SYT1: variants seen among roughly 807,000 people sequenced by gnomAD.
SYT1 encodes the protein synaptotagmin-1.
Under a neutral mutation model 44.8 loss-of-function variants are expected in SYT1, and 8 were observed. The observed-to-expected ratio is 0.18, with a 90% CI of 0.10 to 0.32. SYT1 has a LOEUF of 0.32. Among genes scored for constraint, SYT1 ranks in the 10% least tolerant of loss-of-function variants. The pLI, the probability that SYT1 is intolerant of heterozygous loss-of-function variation, is 1.00. For synonymous variants in SYT1, 154 were observed against 188.8 expected (o/e 0.82, Z 1.51); for missense variants, 286 against 509.3 (o/e 0.56, Z 4.22).
chr12:78,932,914 C>T (rs1454218541), intron 1 of SYT1, among the ~76,000 whole-genome samples: 1 of 152,104 alleles, frequency 6.6e-6, no homozygotes, highest in Non-Finnish European at 1.5e-5. Flanking sequence ...GTCTCAAACA[C>T]AAAATCTCAG....
intron 4 of SYT1, among the ~76,000 whole-genome samples, chr12:79,236,570 C>G (rs1281196616): frequency 6.6e-6 from 1 of 152,166 alleles, no homozygotes; most frequent in African/African-American, 2.4e-5. Context: ...ATTTAATATA[C>G]TTTTCATCTT....
intron 1 of SYT1, among the ~76,000 whole-genome samples, chr12:78,959,800 T>C (rs1401668817): frequency 6.6e-6 from 1 of 152,284 alleles, no homozygotes; most frequent in East Asian, 1.9e-4. Context: ...AAAAGTGAGA[T>C]AACAGGGGAA....
chr12:79,341,967 G>A (rs74107428), intron 8 of SYT1, among the ~76,000 whole-genome samples: 2 of 152,184 alleles, frequency 1.3e-5, no homozygotes, highest in African/African-American at 4.8e-5. Flanking sequence ...CTAAGTAAAC[G>A]GGAGGGTGGC....
intron 1 of SYT1, among the ~76,000 whole-genome samples, chr12:78,900,206 A>T (rs192445005): frequency 1.3e-5 from 2 of 152,084 alleles, no homozygotes; most frequent in Non-Finnish European, 2.9e-5. Context: ...ATGTTTATTT[A>T]CTTATTATTT....
intron 3 of SYT1, among the ~76,000 whole-genome samples, chr12:79,064,042 C>A (rs746127013): frequency 2.0e-5 from 3 of 151,940 alleles, no homozygotes; most frequent in African/African-American, 7.3e-5. Flanking sequence ...CCTACCATTC[C>A]GGAGAACAGT....
At chr12:79,422,020 C>G (rs912143888) in intron 9 of SYT1, among the ~76,000 whole-genome samples, 8 of 152,074 alleles carry the variant, frequency 5.3e-5, no homozygotes, top group African/African-American at 1.7e-4. Flanking sequence ...CTGTCACCTT[C>G]TAATTCCTTT....
At chr12:79,200,323 C>T (rs1015378075) in intron 3 of SYT1, among the ~76,000 whole-genome samples, 3 of 152,024 alleles carry the variant, frequency 2.0e-5, no homozygotes, top group African/African-American at 4.8e-5. Context: ...TAACAAATTG[C>T]CAAAGGATTT....
Position 79,123,590 on chromosome 12 carries a change from A to G in SYT1, c.-18+76228A>G, listed in dbSNP as rs368424857. Among the ~76,000 whole-genome samples the G allele has an allele frequency of 2.6e-5, 4 of 152,156 alleles. No homozygotes were observed. The East Asian group carries it at 7.7e-4, about 29-fold the overall frequency. Reference sequence around the variant, plus strand: ...GCAGTTTGTTAACTTACAATTCAGAAACACATTTACTGCATAAATCCAATA... The same window carrying G: ...GCAGTTTGTTAACTTACAATTCAGAGACACATTTACTGCATAAATCCAATA... On this transcript the variant is annotated intron_variant, in intron 3 of 10. Transcript: ENST00000261205.
At chr12:79,132,674 CAAAAAAAAAAAAAA>C (rs71091641) in intron 3 of SYT1, among the ~76,000 whole-genome samples, 1 of 43,716 alleles carries the variant, frequency 2.3e-5, no homozygotes, top group Non-Finnish European at 4.3e-5. Context: ...GGAGTTTTCT[CAAAAAAAAAAAAAA>C]AAAAAAAAAA....
At chr12:79,004,974 A>G (rs1392834343) in intron 2 of SYT1, among the ~76,000 whole-genome samples, 1 of 152,046 alleles carries the variant, frequency 6.6e-6, no homozygotes, top group Admixed American at 6.6e-5. Context: ...CTTTAGTTGT[A>G]TGAAACCCCA....
At chr12:79,226,768 ATAG>A (rs1204746422) in intron 4 of SYT1, among the ~76,000 whole-genome samples, 1 of 152,182 alleles carries the variant, frequency 6.6e-6, no homozygotes, top group Non-Finnish European at 1.5e-5. Flanking sequence ...AAAGTGTGTA[ATAG>A]TATGTATTTT....
Position 79,449,287 on chromosome 12 carries a change from A to G in SYT1, c.*163A>G. ...TTAATTTGCACAAATTTAAATGTAG[A>G]GAGCCCCTAAGTCCTTCATCATACC... On this transcript the variant is annotated 3_prime_UTR_variant, in exon 11 of 11. Transcript: ENST00000261205. The G allele has an allele frequency of 1.4e-6, 1 of 722,596 alleles. No individual in the cohort carries two copies. The highest frequency in any genetic ancestry group is 2.2e-6 in the Non-Finnish European group (1 of 446,314). The allele number at this position is 722,596 out of a possible 1,614,324, so 44.8% of individuals were successfully genotyped here.
At chr12:79,165,747 A>G (rs1289524966) in intron 3 of SYT1, among the ~76,000 whole-genome samples, 1 of 151,984 alleles carries the variant, frequency 6.6e-6, no homozygotes, top group Non-Finnish European at 1.5e-5. Context: ...ACCCTATTGC[A>G]TGAACTGAGT....
intron 3 of SYT1, among the ~76,000 whole-genome samples, chr12:79,136,438 C>T (rs1297578812): frequency 1.3e-5 from 2 of 152,290 alleles, no homozygotes; most frequent in South Asian, 2.1e-4. Flanking sequence ...CCATATTTTG[C>T]CAACCTTGAC....
intron 2 of SYT1, among the ~76,000 whole-genome samples, chr12:78,991,003 G>A (rs1869975502): frequency 1.3e-5 from 2 of 152,146 alleles, no homozygotes; most frequent in Admixed American, 1.3e-4. Flanking sequence ...ATAAGGCACA[G>A]CAGTTTCAAG....
At chr12:79,046,624 C>T (rs1013752334) in intron 2 of SYT1, among the ~76,000 whole-genome samples, 7 of 151,916 alleles carry the variant, frequency 4.6e-5, no homozygotes, top group Admixed American at 2.0e-4. Flanking sequence ...TATGCAATGA[C>T]GTGCAATCAT....
intron 3 of SYT1, among the ~76,000 whole-genome samples, chr12:79,091,125 AGAGG>A (rs2138002080): frequency 6.6e-6 from 1 of 152,110 alleles, no homozygotes; most frequent in East Asian, 1.9e-4. Context: ...AATATGCCAA[AGAGG>A]CACGCTTTGG....
chr12:79,102,853 T>A (rs1268674739), intron 3 of SYT1, among the ~76,000 whole-genome samples: 2 of 152,214 alleles, frequency 1.3e-5, no homozygotes, highest in Non-Finnish European at 2.9e-5. Context: ...TATCCTGATT[T>A]TAGGTAATAG....
chr12:79,078,963 G>A (rs944272144), intron 3 of SYT1, among the ~76,000 whole-genome samples: 1 of 152,090 alleles, frequency 6.6e-6, no homozygotes, highest in Non-Finnish European at 1.5e-5. Context: ...GCTATATTAA[G>A]AGGAAGAATT....
Sources: allele counts gnomAD v4.1 joint callset (sites outside exome capture counted in the v4.1 genomes callset), GRCh38; gene constraint gnomAD v4.1.1; transcripts MANE v1.5; gene names NCBI Gene and HGNC (gene_info 2026-07-23, HGNC 2026-07-21).